MAP1B: variants seen among roughly 807,000 people sequenced by gnomAD.
The protein encoded by MAP1B is microtubule associated protein 1B.
MAP1B carries 12 observed loss-of-function variants against 176.1 expected under a neutral mutation model. That is an observed-to-expected ratio of 0.07 (90% CI 0.04 to 0.11). The LOEUF (loss-of-function observed/expected upper bound fraction) is 0.11, where lower values mean the gene tolerates loss of function less well. MAP1B is among the 10% of genes least tolerant of loss of function. MAP1B has a pLI of 1.00. For synonymous variants in MAP1B, 1,044 were observed against 1,135.0 expected (o/e 0.92, Z 1.61); for missense variants, 2,523 against 2,990.5 (o/e 0.84, Z 3.65).
intron 2 of MAP1B, among the ~76,000 whole-genome samples, chr5:72,133,767 A>G (rs1745780735): frequency 6.6e-6 from 1 of 152,250 alleles, no homozygotes; most frequent in Non-Finnish European, 1.5e-5. Flanking sequence ...AAATGTTGGT[A>G]AAGCAGGAAA....
intron 3 of MAP1B, among the ~76,000 whole-genome samples, chr5:72,185,608 GA>G (rs70999268): frequency 0.75 from 101,337 of 134,898 alleles, 37,609 homozygotes; most frequent in East Asian, 0.9. Context: ...CTCAAAAGGA[GA>G]AAAAAAAAAA....
At chr5:72,187,326 ATCT>A (rs1160418686) in intron 4 of MAP1B, among the ~76,000 whole-genome samples, 1 of 152,240 alleles carries the variant, frequency 6.6e-6, no homozygotes, top group African/African-American at 2.4e-5. Context: ...TCTAATGCGT[ATCT>A]TATTCAAAGA....
chr5:72,171,096 G>T (rs966263478), intron 2 of MAP1B, among the ~76,000 whole-genome samples: 1 of 152,132 alleles, frequency 6.6e-6, no homozygotes, highest in South Asian at 2.1e-4. Context: ...AGTAGGAAAG[G>T]GTAAAGTGAA....
At chr5:72,182,982 CA>C (rs573227818) in intron 2 of MAP1B, among the ~76,000 whole-genome samples, 1 of 152,306 alleles carries the variant, frequency 6.6e-6, no homozygotes, top group East Asian at 1.9e-4. Flanking sequence ...CTGGTTCAGC[CA>C]CCGAATGACC....
rs550556295 is a variant in MAP1B at position 72,194,482 on chromosome 5, G to C, written c.1127G>C (p.Arg376Thr). The C allele has an allele frequency of 9.3e-6, 15 of 1,614,020 alleles. No individual in the cohort carries two copies. In the South Asian group the frequency reaches 1.5e-4, roughly 17 times the overall value. The change falls in exon 5 of 7, where the codon AGA (arginine) becomes ACA (threonine). Residue 376 changes from arginine to threonine, a missense_variant. Transcript: ENST00000296755. The surrounding 1 kb of genome is among the most constrained non-coding windows in gnomAD (Gnocchi z 7.2). ...CCAGAGCCAAACATCAAGATGAAGAGAAGCATAGAAGAAGCCTGCTTCACT... is the reference window on the plus strand; with the variant it reads ...CCAGAGCCAAACATCAAGATGAAGACAAGCATAGAAGAAGCCTGCTTCACT... ...KNPEPNIKMK[R>T]SIEEACFTLQ... is the part of the protein sequence containing the mutation.
intron 2 of MAP1B, among the ~76,000 whole-genome samples, chr5:72,141,037 G>A (rs555966053): frequency 2.6e-5 from 4 of 152,138 alleles, no homozygotes; most frequent in Non-Finnish European, 5.9e-5. Context: ...ACGTTCACAC[G>A]ACTCCATCTG....
chr5:72,186,835 A>G lies in MAP1B; in HGVS notation c.510+81A>G. 3 of 1,527,662 alleles carry G rather than the reference A, an allele frequency of 2.0e-6. No individual in the cohort carries two copies. The highest frequency in any genetic ancestry group is 2.7e-6 in the Non-Finnish European group (3 of 1,114,382). 94.6% of individuals were successfully genotyped at this position (1,527,662 alleles called of 1,614,324 possible). On this transcript the variant is annotated intron_variant, in intron 4 of 6. Coordinates refer to ENST00000296755, the MANE Select transcript of MAP1B (RefSeq NM_005909.5). The surrounding 1 kb of genome is among the most constrained non-coding windows in gnomAD (Gnocchi z 4.3). Reference sequence around the variant, plus strand: ...CTCTTTGAGAGCACTGGGGGAGACAAAAGAAGAAGGGAGGGAACCTCACAG... The same window carrying G: ...CTCTTTGAGAGCACTGGGGGAGACAGAAGAAGAAGGGAGGGAACCTCACAG...
chr5:72,195,659 A>T lies in MAP1B; in HGVS notation c.2304A>T (p.Lys768Asn). 6.2e-7 allele frequency: 1 copy of T among 1,614,244 alleles called. No homozygotes were observed. Among genetic ancestry groups the T allele is most frequent in the Non-Finnish European group, 8.5e-7 (1 of 1,180,048 alleles). Residue 768 changes from lysine (K) to asparagine (N), a missense_variant, in exon 5 of 7, where the codon AAA (lysine) becomes AAT (asparagine). Physicochemically the swap from Lys to Asn is moderately conservative, Grantham distance 94. Transcript: ENST00000296755. ...KVPKKEESVK[K>N]DSVAAGKPKE... ...CCAAGAAGGAAGAGTCTGTCAAGAA[A>T]GATTCTGTTGCTGCCGGAAAGCCAA...
intron 1 of MAP1B, among the ~76,000 whole-genome samples, chr5:72,113,438 T>G (rs902848959): frequency 6.6e-6 from 1 of 152,226 alleles, no homozygotes; most frequent in East Asian, 1.9e-4. Context: ...CATTTAGTAC[T>G]TTTTCTATTG....
At position 72,199,353 on chromosome 5, in the gene MAP1B, ACAC is replaced by A; in HGVS notation, c.5999_6001del (p.Thr2000_Leu2001delinsIle). 6.2e-7 allele frequency: 1 copy of A among 1,614,132 alleles called. No homozygotes were observed. Among genetic ancestry groups the A allele is most frequent in the Non-Finnish European group, 8.5e-7 (1 of 1,180,018 alleles). ...TGATGACTCTGAGGATGGTGGCCACACACTTGGGGACCCCAGCTACTCTTATGA... is the reference window on the plus strand; with the variant it reads ...TGATGACTCTGAGGATGGTGGCCACATTGGGGACCCCAGCTACTCTTATGA... On this transcript the variant is annotated inframe_deletion, in exon 5 of 7. Coordinates refer to ENST00000296755, the MANE Select transcript of MAP1B (RefSeq NM_005909.5). This position sits in a 1 kb window ranked among gnomAD's most constrained non-coding sequence, Gnocchi z 4.2.
chr5:72,156,506 A>G (rs777207544), intron 2 of MAP1B, among the ~76,000 whole-genome samples: 1 of 152,242 alleles, frequency 6.6e-6, no homozygotes, highest in African/African-American at 2.4e-5. Context: ...CAGTAAAAGC[A>G]TAAGATATGA....
Position 72,197,094 on chromosome 5 carries a change from T to C in MAP1B, c.3739T>C (p.Ser1247Pro). 6.2e-7 allele frequency: 1 copy of C among 1,614,210 alleles called. No homozygotes were observed. Among genetic ancestry groups the C allele is most frequent in the South Asian group, 1.1e-5 (1 of 91,090 alleles). Residue 1247 changes from serine to proline, a missense_variant, in exon 5 of 7, where the codon TCA (serine) becomes CCA (proline). Ser to Pro is a moderately conservative substitution (Grantham distance 74). Around this residue, in one of 4 missense-constraint regions of MAP1B, gnomAD observed 1,925 missense variants for 2,126.0 expected, o/e 0.91. Transcript: ENST00000296755. ...CATCAAAGATAGCATCTCAGCTGTTTCAAGTGAAAAGGTCAGCCCATCGAA... is the reference window on the plus strand; with the variant it reads ...CATCAAAGATAGCATCTCAGCTGTTCCAAGTGAAAAGGTCAGCCCATCGAA... ...LDIKDSISAVSSEKVSPSKSP... is the reference protein window; with the variant it reads ...LDIKDSISAVPSEKVSPSKSP...
chr5:72,172,599 G>C (rs1746567856), intron 2 of MAP1B, among the ~76,000 whole-genome samples: 1 of 152,170 alleles, frequency 6.6e-6, no homozygotes, highest in South Asian at 2.1e-4. Flanking sequence ...GCAGTAGTTT[G>C]ATGGCAAATT....
chr5:72,192,321 G>A (rs1326373779), intron 4 of MAP1B, among the ~76,000 whole-genome samples: 1 of 152,072 alleles, frequency 6.6e-6, no homozygotes, highest in Non-Finnish European at 1.5e-5. Context: ...ACCCAAAGAT[G>A]GTATTACCAT....
At chr5:72,136,582 G>A (rs1745840411) in intron 2 of MAP1B, among the ~76,000 whole-genome samples, 1 of 152,050 alleles carries the variant, frequency 6.6e-6, no homozygotes, top group African/African-American at 2.4e-5. Context: ...AGGAAAAGGG[G>A]GACATTCTCA....
At position 72,207,446 on chromosome 5, in the gene MAP1B, T is replaced by C. The variant is rs922234122; in HGVS notation, c.*2207T>C. The C allele has an allele frequency of 6.6e-6, 1 of 152,272 alleles. No individual in the cohort carries two copies. The highest frequency in any genetic ancestry group is 2.4e-5 in the African/African-American group (1 of 41,478). 9.4% of individuals were successfully genotyped at this position (152,272 alleles called of 1,614,324 possible). ...CCTTTCACTGAGGACCTATGCAGTC[T>C]ACTTAATGCTGTGAATTACATTTTT... On this transcript the variant is annotated 3_prime_UTR_variant, in exon 7 of 7. Coordinates refer to ENST00000296755, the MANE Select transcript of MAP1B (RefSeq NM_005909.5).
chr5:72,146,239 C>CT (rs1301634639), intron 2 of MAP1B, among the ~76,000 whole-genome samples: 1 of 152,216 alleles, frequency 6.6e-6, no homozygotes, highest in Non-Finnish European at 1.5e-5. Context: ...AGGGCTGGAT[C>CT]TTACAGTGAC....
chr5:72,202,025 A>T (rs1191244895), intron 5 of MAP1B, among the ~76,000 whole-genome samples: 1 of 152,228 alleles, frequency 6.6e-6, no homozygotes, highest in African/African-American at 2.4e-5. Context: ...CACAATTTTT[A>T]AAAAAACTTT....
chr5:72,196,047 A>G lies in MAP1B; in HGVS notation c.2692A>G (p.Thr898Ala). The G allele has an allele frequency of 6.2e-7, 1 of 1,614,192 alleles. No homozygotes were observed. Among genetic ancestry groups the G allele is most frequent in the Middle Eastern group, 1.7e-4 (1 of 6,060 alleles). ...PAESPDEGIT[T>A]TEGEGECEQT... ...CGAGTCCCCTGATGAGGGAATCACTACCACTGAAGGGGAGGGCGAATGTGA... is the reference window on the plus strand; with the variant it reads ...CGAGTCCCCTGATGAGGGAATCACTGCCACTGAAGGGGAGGGCGAATGTGA... The change falls in exon 5 of 7, where the codon ACC becomes GCC. Residue 898 changes from threonine to alanine, a missense_variant. Thr to Ala is a moderately conservative substitution (Grantham distance 58). This residue lies in a region of MAP1B where 1,925 missense variants were observed against 2,126.0 expected (regional missense o/e 0.91). Transcript: ENST00000296755. The surrounding 1 kb of genome is among the most constrained non-coding windows in gnomAD (Gnocchi z 5.3).
Sources: gnomAD v4.1 joint callset for allele counts (sites outside exome capture counted in the v4.1 genomes callset) on GRCh38, gnomAD v4.1.1 for gene constraint, gnomAD v4.1.1 regional missense constraint, Gnocchi (gnomAD v3.1) non-coding constraint, MANE v1.5 for transcripts, NCBI Gene and HGNC (gene_info 2026-07-23, HGNC 2026-07-21) for gene names.